The following GPC5 variants were observed in gnomAD, a reference collection of about 807,000 sequenced individuals.
GPC5 encodes glypican-5.
In GPC5, 47 loss-of-function variants were observed where a neutral mutation model predicts 53.9. The ratio of observed to expected loss-of-function variants is 0.87; its 90% confidence interval spans 0.69 to 1.11. The LOEUF (loss-of-function observed/expected upper bound fraction) is 1.11, where lower values mean the gene tolerates loss of function less well. Among genes scored for constraint, GPC5 ranks in the 50% most tolerant of loss-of-function variants. The probability of loss-of-function intolerance (pLI) is 0.00; values close to 1 mark genes in which losing one functional copy is unlikely to be tolerated. For missense variants in GPC5, 748 were observed against 713.1 expected, an observed-to-expected ratio of 1.05 and a Z score of -0.56; for synonymous variants, 286 against 263.3, an observed-to-expected ratio of 1.09 and a Z score of -0.84.
chr13:92,332,456 A>G (rs1313871322), intron 7 of GPC5, among the ~76,000 whole-genome samples: 2 of 152,182 alleles, frequency 1.3e-5, no homozygotes, highest in Non-Finnish European at 2.9e-5. Context: ...AGTTTCATTT[A>G]ATACTAATAT....
At chr13:91,563,545 C>T (rs6492552) in intron 2 of GPC5, among the ~76,000 whole-genome samples, 39,796 of 152,024 alleles carry the variant, frequency 0.26, 5,950 homozygotes, top group African/African-American at 0.42. Context: ...AGCAACTTCA[C>T]AGAAGTTTAA....
chr13:92,295,101 A>G (rs112569593), intron 7 of GPC5, among the ~76,000 whole-genome samples: 138 of 152,058 alleles, frequency 9.1e-4, no homozygotes, highest in African/African-American at 3.2e-3. Context: ...AAATGCTGAC[A>G]TTACAGGTGT....
chr13:92,783,240 C>G (rs1330041469), intron 7 of GPC5, among the ~76,000 whole-genome samples: 3 of 152,304 alleles, frequency 2.0e-5, no homozygotes, highest in South Asian at 2.1e-4. Flanking sequence ...ACCTCTTTCA[C>G]TTTTCCAGAT....
At chr13:92,607,675 T>A (rs761167203) in intron 7 of GPC5, among the ~76,000 whole-genome samples, 74 of 152,286 alleles carry the variant, frequency 4.9e-4, no homozygotes, top group Admixed American at 1.2e-3. Context: ...TTATATATAT[T>A]TTGTACATTA....
At chr13:91,585,438 G>A (rs1050117636) in intron 2 of GPC5, among the ~76,000 whole-genome samples, 1 of 152,158 alleles carries the variant, frequency 6.6e-6, no homozygotes, top group Non-Finnish European at 1.5e-5. Context: ...GTCCACTTAT[G>A]CAATGAAACA....
In GPC5 at chr13:92,866,662, C is replaced by A. The variant is rs16947958; in HGVS notation, c.*223C>A. On this transcript the variant is annotated 3_prime_UTR_variant, in exon 8 of 8. Transcript: ENST00000377067. ...TGTCTTTTTTCAATCTAACTGAAAACCTTCTTAACTTCTAATATATTAAAT... is the reference window on the plus strand; with the variant it reads ...TGTCTTTTTTCAATCTAACTGAAAAACTTCTTAACTTCTAATATATTAAAT... 2.0e-3 allele frequency: 679 copies of A among 331,336 alleles called. 4 individuals carry two copies. Among genetic ancestry groups the A allele is most frequent in the African/African-American group, 0.013 (602 of 47,102 alleles). The allele number at this position is 331,336 out of a possible 1,614,324, so 20.5% of individuals were successfully genotyped here.
chr13:92,676,671 G>A (rs17267327), intron 7 of GPC5, among the ~76,000 whole-genome samples: 33,607 of 152,042 alleles, frequency 0.22, 4,380 homozygotes, highest in South Asian at 0.36. Context: ...TCCACAGACC[G>A]ACATTGAGCC....
In GPC5 at chr13:91,500,144, A is replaced by G. The variant is rs180805768; in HGVS notation, c.325+51222A>G. Among the ~76,000 whole-genome samples the G allele has an allele frequency of 3.3e-5, 5 of 152,294 alleles. No homozygotes were observed. In the East Asian group the frequency reaches 7.7e-4, roughly 24 times the overall value. Reference sequence around the variant, plus strand: ...CACTCTTATGCTCCTCATTTTATTTAACACCACTGACATATTTTTTATATA... The same window carrying G: ...CACTCTTATGCTCCTCATTTTATTTGACACCACTGACATATTTTTTATATA... On this transcript the variant is annotated intron_variant, in intron 2 of 7. Coordinates refer to ENST00000377067, the MANE Select transcript of GPC5 (RefSeq NM_004466.6).
intron 7 of GPC5, among the ~76,000 whole-genome samples, chr13:92,221,573 T>C (rs1003420488): frequency 6.6e-6 from 1 of 152,134 alleles, no homozygotes; most frequent in African/African-American, 2.4e-5. Flanking sequence ...ATGACTTCAA[T>C]TTTGCTCCCA....
chr13:92,601,561 A>AG (rs1027421465), intron 7 of GPC5, among the ~76,000 whole-genome samples: 4 of 150,588 alleles, frequency 2.7e-5, no homozygotes, highest in African/African-American at 9.7e-5. Flanking sequence ...TCTCAAAAAA[A>AG]AAAAAAAAAA....
chr13:91,606,459 G>T (rs1232075776), intron 2 of GPC5, among the ~76,000 whole-genome samples: 6 of 150,932 alleles, frequency 4.0e-5, no homozygotes, highest in South Asian at 2.1e-4. Flanking sequence ...TCAGAATGAT[G>T]CTGGCCTCAT....
At chr13:91,445,602 G>A (rs1235706949) in intron 1 of GPC5, among the ~76,000 whole-genome samples, 1 of 152,162 alleles carries the variant, frequency 6.6e-6, no homozygotes, top group African/African-American at 2.4e-5. Flanking sequence ...AGTCTCCTGA[G>A]TAGCTGGGAT....
chr13:91,894,273 T>TG (rs2039418370), intron 5 of GPC5, among the ~76,000 whole-genome samples: 2 of 152,176 alleles, frequency 1.3e-5, no homozygotes, highest in African/African-American at 2.4e-5. Context: ...TTTGTTTGTT[T>TG]TTTAATCTTG....
intron 7 of GPC5, among the ~76,000 whole-genome samples, chr13:92,632,955 A>C (rs1885300779): frequency 6.6e-6 from 1 of 152,162 alleles, no homozygotes; most frequent in African/African-American, 2.4e-5. Context: ...CAATGGCGCT[A>C]TCTTGGCTCA....
rs755833285 is a variant in GPC5, at chr13:92,201,934, G to A, written c.1561+56945G>A. On this transcript the variant is annotated intron_variant, in intron 7 of 7. Transcript: ENST00000377067. ...GAAGTTACTTTGGCAACATTGTGAA[G>A]TAGCAGGATTGTTACAATAGTAATC... Among the ~76,000 whole-genome samples the A allele has an allele frequency of 1.5e-4, 23 of 152,160 alleles. 1 individual carries two copies. Among genetic ancestry groups the A allele is most frequent in the Non-Finnish European group, 3.1e-4 (21 of 68,004 alleles).
intron 2 of GPC5, among the ~76,000 whole-genome samples, chr13:91,477,929 T>C (rs1777243917): frequency 6.6e-6 from 1 of 152,184 alleles, no homozygotes; most frequent in African/African-American, 2.4e-5. Flanking sequence ...ATTTGCTTGG[T>C]TTTTGGAAAG....
intron 7 of GPC5, among the ~76,000 whole-genome samples, chr13:92,320,138 G>C (rs1394084269): frequency 6.6e-6 from 1 of 152,048 alleles, no homozygotes; most frequent in Non-Finnish European, 1.5e-5. Context: ...TTATACATTA[G>C]GATTAAAAGT....
intron 2 of GPC5, among the ~76,000 whole-genome samples, chr13:91,604,336 T>C (rs2139260278): frequency 6.7e-6 from 1 of 149,946 alleles, no homozygotes; most frequent in African/African-American, 2.5e-5. Context: ...CCACATTTTC[T>C]TAATCCAGTC....
chr13:92,323,260 A>G (rs2139225652), intron 7 of GPC5, among the ~76,000 whole-genome samples: 1 of 150,802 alleles, frequency 6.6e-6, no homozygotes, highest in Non-Finnish European at 1.5e-5. Context: ...TATGTATACA[A>G]AATAGGTATT....
Sources: gnomAD v4.1 joint callset for allele counts (sites outside exome capture counted in the v4.1 genomes callset) on GRCh38, gnomAD v4.1.1 for gene constraint, MANE v1.5 for transcripts, NCBI Gene and HGNC (gene_info 2026-07-23, HGNC 2026-07-21) for gene names.